Variants in NMRK1 observed in about 807,000 individuals in gnomAD.
The protein encoded by NMRK1 is NRK 1.
NMRK1 carries 28 observed loss-of-function variants against 29.9 expected under a neutral mutation model. The ratio of observed to expected loss-of-function variants is 0.94; its 90% confidence interval spans 0.69 to 1.28. NMRK1 has a LOEUF of 1.28. Ranked by LOEUF, NMRK1 falls within the 50% of genes most tolerant of loss-of-function variation. The pLI, the probability that NMRK1 is intolerant of heterozygous loss-of-function variation, is 0.00. For missense variants in NMRK1, 218 were observed against 233.1 expected (o/e 0.94, Z 0.42); for synonymous variants, 58 against 73.0 (o/e 0.79, Z 1.05).
At chr9:75,065,207 C>A (rs1303245052) in intron 8 of NMRK1, among the ~76,000 whole-genome samples, 1 of 152,084 alleles carries the variant, frequency 6.6e-6, no homozygotes, top group Admixed American at 6.6e-5. Context: ...CTCACTCTGT[C>A]ACCAGACTGG....
chr9:75,061,539 G>A lies in NMRK1; in HGVS notation c.*9C>T. ...ATTCACTTCAGGAAGGATTTGTTGT[G>A]TTCCGTCTTTATGCTGTCACTTGCA... is the stretch of plus-strand genomic sequence containing the variant. On this transcript the variant is annotated 3_prime_UTR_variant, in exon 9 of 9. Coordinates refer to ENST00000361092, the MANE Select transcript of NMRK1 (RefSeq NM_017881.3). The A allele has an allele frequency of 1.2e-6, 2 of 1,608,954 alleles. No individual in the cohort carries two copies. The highest frequency in any genetic ancestry group is 1.1e-5 in the South Asian group (1 of 90,440).
chr9:75,062,209 T>C (rs112612425), intron 8 of NMRK1, among the ~76,000 whole-genome samples: 1,540 of 151,702 alleles, frequency 0.01, 24 homozygotes, highest in African/African-American at 0.035. Context: ...GATATATCCA[T>C]GTGAAACACT....
chr9:75,071,776 C>A (rs1427125517), intron 4 of NMRK1, among the ~76,000 whole-genome samples: 1 of 152,108 alleles, frequency 6.6e-6, no homozygotes, highest in Non-Finnish European at 1.5e-5. Flanking sequence ...AGTTTCATTG[C>A]TGCTAGTTGT....
intron 2 of NMRK1, among the ~76,000 whole-genome samples, chr9:75,080,685 T>C (rs1587400399): frequency 6.6e-6 from 1 of 152,180 alleles, no homozygotes; most frequent in South Asian, 2.1e-4. Flanking sequence ...AGGTGGGGCC[T>C]GCTGGCAGGT....
intron 1 of NMRK1, among the ~76,000 whole-genome samples, chr9:75,087,169 T>G (rs1328976121): frequency 6.6e-6 from 1 of 152,136 alleles, no homozygotes; most frequent in Non-Finnish European, 1.5e-5. Context: ...CCTCCCAAAG[T>G]GCTGGGATTA....
At chr9:75,066,343 T>A (rs1419690419) in intron 8 of NMRK1, 2 of 486,110 alleles carry the variant, frequency 4.1e-6, no homozygotes, top group Non-Finnish European at 8.2e-6. Context: ...CTTTTGTTTA[T>A]CTTTGAGGTA....
At chr9:75,077,896 A>G (rs1824096458) in intron 2 of NMRK1, among the ~76,000 whole-genome samples, 1 of 152,224 alleles carries the variant, frequency 6.6e-6, no homozygotes. Context: ...TTGGCCTCCC[A>G]AAGTGCTTGG....
chr9:75,087,741 T>A (rs1237883658), intron 1 of NMRK1: 1 of 152,186 alleles, frequency 6.6e-6, no homozygotes, highest in Non-Finnish European at 1.5e-5. Context: ...CCTGATCCTG[T>A]CCCTGGCGAC....
At chr9:75,065,274 A>G (rs1823271724) in intron 8 of NMRK1, among the ~76,000 whole-genome samples, 1 of 152,044 alleles carries the variant, frequency 6.6e-6, no homozygotes, top group Non-Finnish European at 1.5e-5. Flanking sequence ...AGTTCAAGAG[A>G]TTCCCCTGCC....
chr9:75,083,162 A>C lies in NMRK1; in HGVS notation c.-35-12T>G, dbSNP rs1223890194. 1.5e-6 allele frequency: 2 copies of C among 1,320,202 alleles called. No homozygotes were observed. Among genetic ancestry groups the C allele is most frequent in the Admixed American group, 3.4e-5 (2 of 59,140 alleles). 81.8% of individuals were successfully genotyped at this position (1,320,202 alleles called of 1,614,324 possible). On this transcript the variant is annotated splice_polypyrimidine_tract_variant and intron_variant, in intron 1 of 8. Coordinates refer to ENST00000361092, the MANE Select transcript of NMRK1 (RefSeq NM_017881.3). ...CTTCCTAATATTTCCTAAAAGTAAAAAAACAAACAAACAAATCAAATGCAT... is the reference window on the plus strand; with the variant it reads ...CTTCCTAATATTTCCTAAAAGTAAACAAACAAACAAACAAATCAAATGCAT...
At chr9:75,084,900 G>A (rs1054406110) in intron 1 of NMRK1, among the ~76,000 whole-genome samples, 1 of 152,228 alleles carries the variant, frequency 6.6e-6, no homozygotes, top group Non-Finnish European at 1.5e-5. Flanking sequence ...GGGAATGACT[G>A]CATACAATGA....
Position 75,082,382 on chromosome 9 carries a change from C to T in NMRK1, c.29+705G>A, listed in dbSNP as rs557517215. Among the ~76,000 whole-genome samples the T allele has an allele frequency of 7.9e-5, 12 of 152,248 alleles. No individual in the cohort carries two copies. The South Asian group carries it at 2.5e-3, about 32-fold the overall frequency. On this transcript the variant is annotated intron_variant, in intron 2 of 8. Transcript: ENST00000361092. ...ATGACTTACTATGGTAATGTAATACCATAACACAATGATTTCCCCAAAATT... is the reference window on the plus strand; with the variant it reads ...ATGACTTACTATGGTAATGTAATACTATAACACAATGATTTCCCCAAAATT...
chr9:75,073,960 T>A (rs1823843960), intron 4 of NMRK1, among the ~76,000 whole-genome samples: 1 of 152,238 alleles, frequency 6.6e-6, no homozygotes, highest in Non-Finnish European at 1.5e-5. Context: ...TTAGTATAGT[T>A]GCTAGAGTTA....
At chr9:75,082,695 C>T (rs1293781971) in intron 2 of NMRK1, 1 of 197,198 alleles carries the variant, frequency 5.1e-6, no homozygotes, top group South Asian at 1.2e-4. Flanking sequence ...TGAAGGTGTT[C>T]TGTATACCAA....
intron 8 of NMRK1, chr9:75,066,211 G>A: frequency 6.0e-6 from 3 of 501,054 alleles, no homozygotes; most frequent in Admixed American, 4.3e-5. Context: ...TGAGCCTGAA[G>A]CCACCATTAC....
chr9:75,083,215 G>T, intron 1 of NMRK1, 65 bp from the exon 2 acceptor site: 1 of 848,976 alleles, frequency 1.2e-6, no homozygotes, highest in Non-Finnish European at 1.9e-6. Context: ...GGAGATAAAA[G>T]AATCCTAAAT....
intron 1 of NMRK1, among the ~76,000 whole-genome samples, chr9:75,086,909 T>G (rs1003405777): frequency 3.4e-5 from 1 of 29,628 alleles, no homozygotes; most frequent in Admixed American, 2.6e-4. Context: ...CAAGGCTGGG[T>G]TTTTTTTTTT....
chr9:75,078,635 C>T (rs746942928), intron 2 of NMRK1: 5 of 988,950 alleles, frequency 5.1e-6, no homozygotes, highest in African/African-American at 3.4e-5. Context: ...AAAATTATAC[C>T]TTTATTTTCA....
intron 4 of NMRK1, among the ~76,000 whole-genome samples, chr9:75,072,962 T>C (rs1443428913): frequency 6.6e-6 from 1 of 152,228 alleles, no homozygotes; most frequent in Admixed American, 6.5e-5. Flanking sequence ...GTTATATCAT[T>C]AGCAATTTTT....
Sources: allele counts gnomAD v4.1 joint callset (sites outside exome capture counted in the v4.1 genomes callset), GRCh38; gene constraint gnomAD v4.1.1; transcripts MANE v1.5; gene names NCBI Gene and HGNC (gene_info 2026-07-23, HGNC 2026-07-21).